The following ARHGAP36 variants were observed in gnomAD, a reference collection of about 807,000 sequenced individuals.
The protein encoded by ARHGAP36 is Rho GTPase activating protein 36, also known as rho GTPase-activating protein 36.
Under a neutral mutation model 32.9 loss-of-function variants are expected in ARHGAP36, and 7 were observed. That is an observed-to-expected ratio of 0.21 (90% CI 0.12 to 0.40). The LOEUF (loss-of-function observed/expected upper bound fraction) is 0.40, where lower values mean the gene tolerates loss of function less well. ARHGAP36 is among the 10% of genes least tolerant of loss of function. The probability of loss-of-function intolerance (pLI) is 1.00; values close to 1 mark genes in which losing one functional copy is unlikely to be tolerated. For synonymous variants in ARHGAP36, 165 were observed against 168.3 expected (o/e 0.98, Z 0.15); for missense variants, 383 against 442.2 (o/e 0.87, Z 1.20).
In ARHGAP36 at chrX:131,083,944, G is replaced by A; in HGVS notation, c.530G>A (p.Arg177Gln). The A allele has an allele frequency of 1.7e-6, 2 of 1,211,599 alleles. No individual in the cohort carries two copies. The highest frequency in any genetic ancestry group is 2.2e-6 in the Non-Finnish European group (2 of 895,498). The part of the protein sequence containing the change: ...SRRRNEPTLP[R>Q]EFTRRGRRGA... ...AGGCGGAATGAGCCCACCTTGCCCC[G>A]GGAGTTCACTCGCCGTGGGCGTCGA... Residue 177 changes from arginine to glutamine, a missense_variant, in exon 4 of 12, where the codon CGG becomes CAG. Transcript: ENST00000276211.
chrX:131,059,939 G>A (rs926031789), intron 1 of ARHGAP36, among the ~76,000 whole-genome samples: 1 of 111,396 alleles, frequency 9.0e-6, no homozygotes, highest in Non-Finnish European at 1.9e-5. Context: ...TATTACACCA[G>A]GAAGCCCATT....
rs371531617 is a variant in ARHGAP36, at chrX:131,083,124, C to T, written c.254-41C>T. 1.4e-3 allele frequency: 1,579 copies of T among 1,161,817 alleles called. 3 individuals carry two copies. The highest frequency in any genetic ancestry group is 1.5e-3 in the Non-Finnish European group (1,321 of 855,301). On this transcript the variant is annotated intron_variant, in intron 2 of 11. Coordinates refer to ENST00000276211, the MANE Select transcript of ARHGAP36 (RefSeq NM_144967.4). ...GGGATGTTTTAGTCACTTATTAAGTCCTATTTGTAAGTGTATCTTTTCTTT... is the reference window on the plus strand; with the variant it reads ...GGGATGTTTTAGTCACTTATTAAGTTCTATTTGTAAGTGTATCTTTTCTTT...
intron 7 of ARHGAP36, 131 bp from the exon 8 acceptor site, chrX:131,085,457 G>C (rs1488258289): frequency 1.2e-6 from 1 of 845,522 alleles, no homozygotes; most frequent in East Asian, 3.3e-5. Flanking sequence ...CTTTGGAAAT[G>C]AGCAAAGGCA....
chrX:131,075,837 G>T (rs1435330234), intron 1 of ARHGAP36, among the ~76,000 whole-genome samples: 3 of 111,446 alleles, frequency 2.7e-5, no homozygotes, highest in Non-Finnish European at 5.6e-5. Flanking sequence ...TTGGTGGAAA[G>T]GGCAAGGCTT....
Position 131,085,568 on chromosome X carries a change from C to A in ARHGAP36, c.956-20C>A, listed in dbSNP as rs2079830639. On this transcript the variant is annotated intron_variant, in intron 7 of 11. Transcript: ENST00000276211. ...GCCAAGACTATCCCCCTGAGACAGC[C>A]CCTGTTTTCCTTCTTCTAGCTTTAA... The A allele has an allele frequency of 1.7e-6, 2 of 1,206,855 alleles. No individual in the cohort carries two copies. Among genetic ancestry groups the A allele is most frequent in the African/African-American group, 3.5e-5 (2 of 57,624 alleles).
In ARHGAP36 at chrX:131,089,149, C is replaced by T. The variant is rs2079853551; in HGVS notation, c.*364C>T. 1 of 146,743 alleles carries T rather than the reference C, an allele frequency of 6.8e-6. No homozygotes were observed. Among genetic ancestry groups the T allele is most frequent in the South Asian group, 2.9e-4 (1 of 3,444 alleles). The allele number at this position is 146,743 out of a possible 1,213,427, so 12.1% of individuals were successfully genotyped here. ...AGGGAACCTCACAAATCTTGAGATG[C>T]TTTCCCTTCCCCAGATGGGATTGCA... On this transcript the variant is annotated 3_prime_UTR_variant, in exon 12 of 12. Transcript: ENST00000276211.
intron 1 of ARHGAP36, among the ~76,000 whole-genome samples, chrX:131,074,062 G>A (rs144479510): frequency 1.7e-3 from 189 of 109,680 alleles, no homozygotes; most frequent in African/African-American, 5.9e-3. Context: ...GAGAATAGAG[G>A]GGGTAGGAGT....
chrX:131,084,511 A>C lies in ARHGAP36; in HGVS notation c.748+104A>C, dbSNP rs2079823793. On this transcript the variant is annotated intron_variant, in intron 5 of 11. Coordinates refer to ENST00000276211, the MANE Select transcript of ARHGAP36 (RefSeq NM_144967.4). Reference sequence around the variant, plus strand: ...GAGGCCGAGGATGAAGGGCTTGGATAACATTCCCCTGACACCCAGTGGAGG... The same window carrying C: ...GAGGCCGAGGATGAAGGGCTTGGATCACATTCCCCTGACACCCAGTGGAGG... The C allele has an allele frequency of 3.5e-6, 4 of 1,133,138 alleles. No individual in the cohort carries two copies. The South Asian group carries it at 7.8e-5, about 22-fold the overall frequency. 93.4% of individuals were successfully genotyped at this position (1,133,138 alleles called of 1,213,427 possible). A position where few individuals can be genotyped will look rare whatever the true frequency, so the allele number is the denominator to read the frequency against.
chrX:131,087,207 C>T (rs1603395377), intron 11 of ARHGAP36, among the ~76,000 whole-genome samples: 1 of 111,463 alleles, frequency 9.0e-6, no homozygotes, highest in East Asian at 2.8e-4. Flanking sequence ...ACAATGAAAT[C>T]CCAGACCACG....
chrX:131,085,471 T>C (rs888123072), intron 7 of ARHGAP36, 117 bp from the exon 8 acceptor site: 22 of 921,745 alleles, frequency 2.4e-5, no homozygotes, highest in Non-Finnish European at 3.2e-5. Flanking sequence ...AAAGGCAAGA[T>C]GCCTGGGTAC....
At position 131,083,904 on chromosome X, in the gene ARHGAP36, C is replaced by T. The variant is rs1274306403; in HGVS notation, c.490C>T (p.Arg164Cys). 1.2e-5 allele frequency: 15 copies of T among 1,210,479 alleles called. No homozygotes were observed. The highest frequency in any genetic ancestry group is 1.6e-5 in the Non-Finnish European group (14 of 895,385). Reference sequence around the variant, plus strand: ...GCGAAGGGTGTTTGGCCGCATCCGGCGCTTTTTCAGTCGCAGGCGGAATGA... The same window carrying T: ...GCGAAGGGTGTTTGGCCGCATCCGGTGCTTTTTCAGTCGCAGGCGGAATGA... ...VVRRVFGRIR[R>C]FFSRRRNEPT... Residue 164 changes from arginine to cysteine, a missense_variant, in exon 4 of 12, where the codon CGC (arginine) becomes TGC (cysteine). Physicochemically the swap from Arg to Cys is radical, Grantham distance 180. Coordinates refer to ENST00000276211, the MANE Select transcript of ARHGAP36 (RefSeq NM_144967.4).
chrX:131,088,196 G>A (rs1205594237), intron 11 of ARHGAP36, among the ~76,000 whole-genome samples: 1 of 112,872 alleles, frequency 8.9e-6, no homozygotes, highest in Non-Finnish European at 1.9e-5. Flanking sequence ...CTCACCAGAG[G>A]TGTTGAAGGG....
In ARHGAP36 at chrX:131,086,421, G is replaced by A. The variant is rs766544711; in HGVS notation, c.1374G>A (p.Lys458=). 11 of 1,210,255 alleles carry A rather than the reference G, an allele frequency of 9.1e-6. No homozygotes were observed. The highest frequency in any genetic ancestry group is 2.3e-4 in the Middle Eastern group (1 of 4,354). ...TTATCAGACGCAGGAACTTGAGGAA[G>A]ATCCAGTGAGTGTTTTTTGGGTTTG... ...LDFIRRRNLR[K]IQSARIKMEE... is the part of the protein sequence containing the mutation. Residue 458 remains lysine (K), a synonymous_variant, in exon 10 of 12, where the codon AAG becomes AAA. Transcript: ENST00000276211.
At chrX:131,084,143 A>T (rs1603394771) in intron 4 of ARHGAP36, 72 bp from the exon 5 acceptor site, 1 of 1,083,007 alleles carries the variant, frequency 9.2e-7, no homozygotes, top group Non-Finnish European at 1.2e-6. Flanking sequence ...AATGTCATAC[A>T]TACAGTACTC....
intron 1 of ARHGAP36, among the ~76,000 whole-genome samples, chrX:131,062,068 A>G (rs2079672346): frequency 8.9e-6 from 1 of 112,241 alleles, no homozygotes; most frequent in South Asian, 3.7e-4. Context: ...ACAACAACCT[A>G]AATGTCCAAC....
At chrX:131,078,211 G>C (rs1047303875) in intron 1 of ARHGAP36, among the ~76,000 whole-genome samples, 3 of 109,888 alleles carry the variant, frequency 2.7e-5, no homozygotes, top group African/African-American at 9.8e-5. Flanking sequence ...TCAACTCTCA[G>C]ACAACCACTG....
chrX:131,068,708 T>C lies in ARHGAP36; in HGVS notation c.-143+10264T>C, dbSNP rs2079716040. ...CCCCCCGAGCCCCACTGGAGAGAAC[T>C]GGCCACTGTTAAGGGTTGAGGGCTT... On this transcript the variant is annotated intron_variant, in intron 1 of 11. Transcript: ENST00000276211. Among the ~76,000 whole-genome samples, 5 of 84,115 alleles carry C rather than the reference T, an allele frequency of 5.9e-5. No homozygotes were observed. In the South Asian group the frequency reaches 3.9e-3, roughly 66 times the overall value. The allele number at this position is 84,115 out of a possible 115,157, so 73.0% of individuals were successfully genotyped here. A position where few individuals can be genotyped will look rare whatever the true frequency, so the allele number is the denominator to read the frequency against.
chrX:131,074,311 C>T (rs2079748690), intron 1 of ARHGAP36, among the ~76,000 whole-genome samples: 1 of 101,202 alleles, frequency 9.9e-6, no homozygotes, highest in African/African-American at 3.6e-5. Flanking sequence ...GTGAGTACAT[C>T]GAAGAAGGGA....
chrX:131,081,707 G>A lies in ARHGAP36; in HGVS notation c.42G>A (p.Leu14=). 7 of 1,211,166 alleles carry A rather than the reference G, an allele frequency of 5.8e-6. No homozygotes were observed. In the Middle Eastern group the frequency reaches 1.6e-3, roughly 279 times the overall value. The change falls in exon 2 of 12, where the codon CTG becomes CTA. Residue 14 remains leucine (L), a synonymous_variant. Transcript: ENST00000276211. Reference sequence around the variant, plus strand: ...CTTTTCTGAAGGCAGCAAGGGCACTGTGCCCCAGAATCATGCCCCCTTTGC... The same window carrying A: ...CTTTTCTGAAGGCAGCAAGGGCACTATGCCCCAGAATCATGCCCCCTTTGC... ...CIPFLKAARA[L]CPRIMPPLLL...
Sources: gnomAD v4.1 joint callset for allele counts (sites outside exome capture counted in the v4.1 genomes callset) on GRCh38, gnomAD v4.1.1 for gene constraint, MANE v1.5 for transcripts, NCBI Gene and HGNC (gene_info 2026-07-23, HGNC 2026-07-21) for gene names.